Variants in AGBL4 observed in about 807,000 individuals in gnomAD.
AGBL4 encodes the protein AGBL carboxypeptidase 4.
A neutral mutation model predicts 66.4 loss-of-function variants in AGBL4; 58 were observed. That is an observed-to-expected ratio of 0.87 (90% CI 0.71 to 1.09). The LOEUF is 1.09. AGBL4 is among the 50% of genes least tolerant of loss of function. The probability of loss-of-function intolerance (pLI) is 0.00; values close to 1 mark genes in which losing one functional copy is unlikely to be tolerated. For synonymous variants in AGBL4, 234 were observed against 222.9 expected (o/e 1.05, Z -0.44); for missense variants, 579 against 631.0 (o/e 0.92, Z 0.88).
chr1:49,913,867 T>C (rs1052162443), intron 1 of AGBL4, among the ~76,000 whole-genome samples: 1 of 152,192 alleles, frequency 6.6e-6, no homozygotes. Flanking sequence ...TGTGCCAGAA[T>C]GCAAGAAGTA....
chr1:49,353,384 G>T (rs557499951), intron 3 of AGBL4, among the ~76,000 whole-genome samples: 20 of 152,016 alleles, frequency 1.3e-4, no homozygotes, highest in Non-Finnish European at 2.8e-4. Context: ...TTCCTATATT[G>T]GGGGTGGCCT....
At chr1:48,539,052 G>C (rs571226923) in intron 12 of AGBL4, among the ~76,000 whole-genome samples, 131 of 152,358 alleles carry the variant, frequency 8.6e-4, no homozygotes, top group African/African-American at 2.9e-3. Context: ...AGACAGGATG[G>C]AGGCTCACCT....
intron 3 of AGBL4, among the ~76,000 whole-genome samples, chr1:49,378,733 C>CT (rs1272572563): frequency 3.3e-5 from 5 of 152,120 alleles, no homozygotes; most frequent in Non-Finnish European, 7.4e-5. Flanking sequence ...AAGCCCCAGA[C>CT]TGTGATGTAG....
intron 2 of AGBL4, among the ~76,000 whole-genome samples, chr1:49,803,535 T>G (rs1644910576): frequency 6.6e-6 from 1 of 152,210 alleles, no homozygotes; most frequent in Non-Finnish European, 1.5e-5. Context: ...AAATAGAATT[T>G]TATAAAGATT....
chr1:49,853,987 A>G (rs536372464), intron 1 of AGBL4, among the ~76,000 whole-genome samples: 2 of 152,224 alleles, frequency 1.3e-5, no homozygotes, highest in Admixed American at 1.3e-4. Context: ...GATCCACACA[A>G]AGAAATTAAG....
chr1:49,845,573 A>G, intron 2 of AGBL4: 3 of 1,603,018 alleles, frequency 1.9e-6, no homozygotes. Flanking sequence ...ACAGGGGAGA[A>G]GCCCTACGAG....
chr1:49,935,286 C>A (rs1462559238), intron 1 of AGBL4, among the ~76,000 whole-genome samples: 1 of 152,232 alleles, frequency 6.6e-6, no homozygotes, highest in Non-Finnish European at 1.5e-5. Flanking sequence ...GGGGGAGGGG[C>A]GCCCGCCATT....
At position 49,143,881 on chromosome 1, in the gene AGBL4, C is replaced by T. The variant is rs141817893; in HGVS notation, c.378-98081G>A. Among the ~76,000 whole-genome samples the T allele has an allele frequency of 4.6e-5, 7 of 152,320 alleles. No individual in the cohort carries two copies. In the East Asian group the frequency reaches 1.3e-3, roughly 29 times the overall value. On this transcript the variant is annotated intron_variant, in intron 4 of 13. Coordinates refer to ENST00000371839, the MANE Select transcript of AGBL4 (RefSeq NM_032785.4). ...CTCTCACCATTTTATCTCCATATGC[C>T]ATTTTTCAATCCAGACTGAGCTGGT...
chr1:49,941,229 C>G (rs920680306), intron 1 of AGBL4, among the ~76,000 whole-genome samples: 1 of 152,138 alleles, frequency 6.6e-6, no homozygotes, highest in Non-Finnish European at 1.5e-5. Context: ...AACCAGATTA[C>G]TTCACTGGTG....
At chr1:49,759,062 A>G (rs936676567) in intron 2 of AGBL4, among the ~76,000 whole-genome samples, 2 of 152,140 alleles carry the variant, frequency 1.3e-5, no homozygotes, top group Admixed American at 1.3e-4. Flanking sequence ...GGTTTTATAA[A>G]TAGCAGTTTC....
intron 5 of AGBL4, among the ~76,000 whole-genome samples, chr1:48,922,905 T>C (rs1654211198): frequency 6.6e-6 from 1 of 151,372 alleles, no homozygotes; most frequent in Non-Finnish European, 1.5e-5. Context: ...TATATAACTA[T>C]AAAATATGTT....
intron 3 of AGBL4, among the ~76,000 whole-genome samples, chr1:49,309,489 C>T (rs1008067636): frequency 3.3e-5 from 5 of 152,002 alleles, no homozygotes; most frequent in African/African-American, 1.2e-4. Flanking sequence ...ACAAGAACTA[C>T]CTAATTCAAA....
At chr1:48,912,508 G>T (rs189973347) in intron 5 of AGBL4, among the ~76,000 whole-genome samples, 51 of 152,260 alleles carry the variant, frequency 3.3e-4, no homozygotes, top group African/African-American at 1.2e-3. Flanking sequence ...CTGCCACTGG[G>T]CTGTAGGAAG....
chr1:49,305,793 C>T (rs1025967443), intron 3 of AGBL4, among the ~76,000 whole-genome samples: 8 of 152,046 alleles, frequency 5.3e-5, no homozygotes, highest in Middle Eastern at 3.4e-3. Context: ...TGGGTTCAAG[C>T]AATTCTCCTG....
intron 3 of AGBL4, among the ~76,000 whole-genome samples, chr1:49,304,935 A>G (rs1644823005): frequency 6.6e-6 from 1 of 152,182 alleles, no homozygotes; most frequent in African/African-American, 2.4e-5. Context: ...TAAATAAACT[A>G]TTTATGCTAT....
intron 2 of AGBL4, 135 bp from the exon 3 acceptor site, chr1:49,697,572 CA>C: frequency 1.4e-6 from 1 of 717,812 alleles, no homozygotes; most frequent in Non-Finnish European, 2.1e-6. Context: ...GTTCACAATC[CA>C]AAGGGCTGCC....
chr1:49,598,765 T>C (rs1330663323), intron 3 of AGBL4, among the ~76,000 whole-genome samples: 1 of 152,034 alleles, frequency 6.6e-6, no homozygotes, highest in Non-Finnish European at 1.5e-5. Context: ...ACAGGGACAT[T>C]TAAGTCTGCA....
intron 11 of AGBL4, among the ~76,000 whole-genome samples, chr1:48,572,409 G>A (rs1289474779): frequency 1.3e-5 from 2 of 151,948 alleles, no homozygotes; most frequent in African/African-American, 2.4e-5. Flanking sequence ...GAGCTAAGGC[G>A]GAAGAAAAAG....
At chr1:48,751,090 C>G (rs569988276) in intron 6 of AGBL4, among the ~76,000 whole-genome samples, 2 of 152,310 alleles carry the variant, frequency 1.3e-5, no homozygotes, top group Admixed American at 6.5e-5. Flanking sequence ...CTTTTCCCCT[C>G]TCTGGGCCTC....
Sources: allele counts gnomAD v4.1 joint callset (sites outside exome capture counted in the v4.1 genomes callset), GRCh38; gene constraint gnomAD v4.1.1; transcripts MANE v1.5; gene names NCBI Gene and HGNC (gene_info 2026-07-23, HGNC 2026-07-21).